PRKN: variants seen among roughly 807,000 people sequenced by gnomAD.
The protein encoded by PRKN is parkin RBR E3 ubiquitin protein ligase, also known as E3 ubiquitin-protein ligase parkin.
Under a neutral mutation model 59.5 loss-of-function variants are expected in PRKN, and 56 were observed. That is an observed-to-expected ratio of 0.94 (90% CI 0.76 to 1.18). The LOEUF is 1.18. Ranked by LOEUF, PRKN falls within the 50% of genes most tolerant of loss-of-function variation. PRKN has a pLI of 0.00. For missense variants in PRKN, 657 were observed against 596.4 expected, an observed-to-expected ratio of 1.10 and a Z score of -1.06; for synonymous variants, 250 against 222.1, an observed-to-expected ratio of 1.13 and a Z score of -1.12.
intron 9 of PRKN, among the ~76,000 whole-genome samples, chr6:161,477,248 T>G (rs1432545698): frequency 1.3e-5 from 2 of 152,206 alleles, no homozygotes; most frequent in Non-Finnish European, 2.9e-5. Flanking sequence ...CCAGGCGCGG[T>G]GGCTCACGCC....
intron 7 of PRKN, among the ~76,000 whole-genome samples, chr6:161,765,656 T>C (rs1789394473): frequency 6.6e-6 from 1 of 151,870 alleles, no homozygotes; most frequent in South Asian, 2.1e-4. Flanking sequence ...ATTAGGCAAA[T>C]AAAGTGTGAT....
intron 1 of PRKN, among the ~76,000 whole-genome samples, chr6:162,723,154 C>T (rs1241423622): frequency 6.6e-6 from 1 of 152,126 alleles, no homozygotes; most frequent in Non-Finnish European, 1.5e-5. Context: ...TTCCTGATGG[C>T]AAGGGACTTT....
At chr6:161,777,671 G>T (rs368640163) in intron 7 of PRKN, among the ~76,000 whole-genome samples, 1 of 111,876 alleles carries the variant, frequency 8.9e-6, no homozygotes, top group African/African-American at 3.5e-5. Context: ...ATATATATGA[G>T]AATATATATA....
At chr6:162,172,333 T>C (rs1427335892) in intron 4 of PRKN, among the ~76,000 whole-genome samples, 1 of 152,246 alleles carries the variant, frequency 6.6e-6, no homozygotes, top group Non-Finnish European at 1.5e-5. Flanking sequence ...TAGACAATTT[T>C]CCTAGAAGCC....
intron 5 of PRKN, among the ~76,000 whole-genome samples, chr6:162,023,098 C>T (rs1783273219): frequency 6.6e-6 from 1 of 151,886 alleles, no homozygotes; most frequent in Non-Finnish European, 1.5e-5. Flanking sequence ...TGGCTTGCTT[C>T]TTCAGAGCCC....
At chr6:161,580,915 C>A (rs1246839081) in intron 7 of PRKN, among the ~76,000 whole-genome samples, 4 of 152,066 alleles carry the variant, frequency 2.6e-5, no homozygotes, top group African/African-American at 9.7e-5. Flanking sequence ...ACAACTTCCT[C>A]TATCATCCAG....
At chr6:161,669,401 A>T (rs556749027) in intron 7 of PRKN, among the ~76,000 whole-genome samples, 2 of 152,322 alleles carry the variant, frequency 1.3e-5, no homozygotes, top group East Asian at 3.9e-4. Context: ...GGTCAGCCCC[A>T]GTCAGTGCCT....
At chr6:162,332,995 C>T (rs1054291504) in intron 2 of PRKN, among the ~76,000 whole-genome samples, 1 of 152,104 alleles carries the variant, frequency 6.6e-6, no homozygotes, top group African/African-American at 2.4e-5. Context: ...ATTTGAAAGA[C>T]CAGTAGCAGA....
chr6:161,670,793 C>T (rs1261941619), intron 7 of PRKN, among the ~76,000 whole-genome samples: 2 of 149,852 alleles, frequency 1.3e-5, no homozygotes, highest in African/African-American at 2.4e-5. Context: ...TCCAGCCTAG[C>T]AACAGAGCGA....
chr6:161,652,585 A>T (rs1365720228), intron 7 of PRKN, among the ~76,000 whole-genome samples: 1 of 152,240 alleles, frequency 6.6e-6, no homozygotes, highest in East Asian at 1.9e-4. Flanking sequence ...GATTACTGAC[A>T]TTTATAGTAA....
At chr6:162,298,170 GGA>G (rs113066522) in intron 2 of PRKN, among the ~76,000 whole-genome samples, 10,156 of 148,138 alleles carry the variant, frequency 0.069, 735 homozygotes, top group African/African-American at 0.18. Flanking sequence ...CAGACGGAGG[GGA>G]GAGAGAGAGA....
chr6:162,121,373 C>T (rs1023599606), intron 4 of PRKN, among the ~76,000 whole-genome samples: 1 of 152,062 alleles, frequency 6.6e-6, no homozygotes, highest in Non-Finnish European at 1.5e-5. Context: ...TGAGGATATA[C>T]CCTCCAAGTT....
intron 7 of PRKN, among the ~76,000 whole-genome samples, chr6:161,650,193 G>A (rs564586273): frequency 2.0e-5 from 3 of 152,188 alleles, no homozygotes; most frequent in African/African-American, 2.4e-5. Flanking sequence ...CAGAGTCCAC[G>A]AGCATAATGC....
At chr6:161,501,423 G>A (rs1048140980) in intron 9 of PRKN, among the ~76,000 whole-genome samples, 1 of 151,846 alleles carries the variant, frequency 6.6e-6, no homozygotes, top group Non-Finnish European at 1.5e-5. Flanking sequence ...ATCTTTTTTC[G>A]GTGAGGTTTC....
chr6:162,238,948 T>C (rs1412093535), intron 3 of PRKN, among the ~76,000 whole-genome samples: 1 of 152,174 alleles, frequency 6.6e-6, no homozygotes, highest in Admixed American at 6.5e-5. Context: ...AGGGTTTACT[T>C]ACTATGATAC....
intron 7 of PRKN, among the ~76,000 whole-genome samples, chr6:161,710,855 TC>T (rs1192048599): frequency 1.3e-4 from 7 of 53,188 alleles, no homozygotes; most frequent in Admixed American, 6.9e-4. Flanking sequence ...CTTCTTCCCT[TC>T]CCTTCCCTTT....
chr6:161,777,820 ATATATG>A (rs1451293653), intron 7 of PRKN, among the ~76,000 whole-genome samples: 1 of 136,138 alleles, frequency 7.3e-6, no homozygotes, highest in East Asian at 2.0e-4. Flanking sequence ...ATATATGTGT[ATATATG>A]TATATGTATA....
At chr6:162,388,411 A>G (rs1316810235) in intron 2 of PRKN, among the ~76,000 whole-genome samples, 1 of 152,188 alleles carries the variant, frequency 6.6e-6, no homozygotes, top group Non-Finnish European at 1.5e-5. Flanking sequence ...CTATGTTTCT[A>G]TCCTGATGAA....
intron 6 of PRKN, among the ~76,000 whole-genome samples, chr6:161,930,006 T>C (rs1009398381): frequency 1.8e-4 from 27 of 152,340 alleles, no homozygotes; most frequent in Admixed American, 2.6e-4. Context: ...TTGTTGGCAA[T>C]GCCACTGAAT....
Sources: allele counts gnomAD v4.1 joint callset (sites outside exome capture counted in the v4.1 genomes callset), GRCh38; gene constraint gnomAD v4.1.1; transcripts MANE v1.5; gene names NCBI Gene and HGNC (gene_info 2026-07-23, HGNC 2026-07-21).